The following CECR2 variants were observed in gnomAD, a reference collection of about 807,000 sequenced individuals.
The protein encoded by CECR2 is chromatin remodeling regulator CECR2.
Under a neutral mutation model 154.5 loss-of-function variants are expected in CECR2, and 30 were observed. The ratio of observed to expected loss-of-function variants is 0.19; its 90% CI spans 0.15 to 0.26. The LOEUF is 0.26. Ranked by LOEUF, CECR2 falls within the 10% of genes least tolerant of loss-of-function variation. The probability of loss-of-function intolerance (pLI) is 1.00; values close to 1 mark genes in which losing one functional copy is unlikely to be tolerated. For synonymous variants in CECR2, 725 were observed against 683.7 expected (o/e 1.06, Z -0.94); for missense variants, 1,743 against 1,829.3 (o/e 0.95, Z 0.86).
At chr22:17,442,693 G>A (rs1359741834) in intron 1 of CECR2, among the ~76,000 whole-genome samples, 5 of 152,004 alleles carry the variant, frequency 3.3e-5, no homozygotes, top group Admixed American at 1.3e-4. Flanking sequence ...GATTACAGGC[G>A]CCCGCCACCA....
upstream of CECR2, among the ~76,000 whole-genome samples, chr22:17,364,849 CAAACAAAA>C (rs1372200829): frequency 6.6e-6 from 1 of 151,170 alleles, no homozygotes; most frequent in African/African-American, 2.4e-5. Context: ...ACAAAACAAA[CAAACAAAA>C]AAACAAAAAA....
At chr22:17,371,472 C>T (rs2146438444) in intron 1 of CECR2, among the ~76,000 whole-genome samples, 2 of 152,272 alleles carry the variant, frequency 1.3e-5, no homozygotes, top group Non-Finnish European at 2.9e-5. Flanking sequence ...CTTTAGACAA[C>T]TGTTAATATT....
At chr22:17,522,850 C>A in intron 8 of CECR2, among the ~76,000 whole-genome samples, 1 of 151,984 alleles carries the variant, frequency 6.6e-6, no homozygotes, top group Non-Finnish European at 1.5e-5. Context: ...ACTAAAAATA[C>A]AAAAATTAGC....
intron 10 of CECR2, among the ~76,000 whole-genome samples, chr22:17,537,987 C>G (rs2056462959): frequency 6.7e-6 from 1 of 149,746 alleles, no homozygotes; most frequent in African/African-American, 2.5e-5. Context: ...GAGTGAGACT[C>G]CGTCCAAAAA....
chr22:17,469,522 C>T (rs1403469121), intron 1 of CECR2, among the ~76,000 whole-genome samples: 1 of 152,104 alleles, frequency 6.6e-6, no homozygotes, highest in African/African-American at 2.4e-5. Flanking sequence ...ATGATTACTG[C>T]CAGTTTTTAT....
chr22:17,503,090 A>G lies in CECR2; in HGVS notation c.659A>G (p.Gln220Arg), dbSNP rs1294632473. Residue 220 changes from glutamine (Q) to arginine (R), a missense_variant, in exon 6 of 19, where the codon CAG becomes CGG. This residue lies in a region of CECR2 where 292 missense variants were observed against 301.2 expected (regional missense o/e 0.97). Coordinates refer to ENST00000262608, the MANE Select transcript of CECR2 (RefSeq NM_001290047.2). ...TTTTTCCTGTGTTTCAGTGAAAAGCAGGAAGAAAATTCCTTGGCATCCGAG... is the reference window on the plus strand; with the variant it reads ...TTTTTCCTGTGTTTCAGTGAAAAGCGGGAAGAAAATTCCTTGGCATCCGAG... ...LQEEILLSEKQEENSLASEPQ... is the reference protein window; with the variant it reads ...LQEEILLSEKREENSLASEPQ... 1 of 1,610,894 alleles carries G rather than the reference A, an allele frequency of 6.2e-7. No individual in the cohort carries two copies. The highest frequency in any genetic ancestry group is 1.7e-5 in the Admixed American group (1 of 59,492).
chr22:17,515,955 G>T (rs149793296), intron 8 of CECR2, among the ~76,000 whole-genome samples: 1 of 152,166 alleles, frequency 6.6e-6, no homozygotes, highest in East Asian at 1.9e-4. Flanking sequence ...GATTACAGGC[G>T]TGAGCCACCA....
rs551632664 is a variant in CECR2, at chr22:17,436,171, G to A, written c.127-41417G>A. ...GACGGGGTTTCACGGTGTTAGCCAG[G>A]ATGGTCTTGATCTCCTGATCTCGTG... On this transcript the variant is annotated intron_variant, in intron 1 of 18. Transcript: ENST00000262608. Among the ~76,000 whole-genome samples the A allele has an allele frequency of 6.6e-5, 10 of 152,250 alleles. No homozygotes were observed. In the South Asian group the frequency reaches 2.1e-3, roughly 32 times the overall value.
At chr22:17,484,666 C>T (rs1338100014) in intron 2 of CECR2, among the ~76,000 whole-genome samples, 3 of 152,006 alleles carry the variant, frequency 2.0e-5, no homozygotes, top group Admixed American at 2.0e-4. Flanking sequence ...TTTGGGAGGC[C>T]AAGGTGGGCG....
chr22:17,382,724 G>C (rs187519544), intron 1 of CECR2, among the ~76,000 whole-genome samples: 1 of 151,620 alleles, frequency 6.6e-6, no homozygotes, highest in Non-Finnish European at 1.5e-5. Context: ...GGCCAACATG[G>C]TGAAACGCTT....
chr22:17,502,959 C>G, intron 5 of CECR2, 123 bp from the exon 6 acceptor site: 1 of 775,708 alleles, frequency 1.3e-6, no homozygotes, highest in Non-Finnish European at 2.1e-6. Context: ...AGCCTTGTCC[C>G]CTTAACACAC....
intron 1 of CECR2, among the ~76,000 whole-genome samples, chr22:17,378,031 T>A (rs887066299): frequency 6.6e-6 from 1 of 152,052 alleles, no homozygotes; most frequent in African/African-American, 2.4e-5. Flanking sequence ...TTGCCCAGGC[T>A]GGAGTGCAGT....
chr22:17,543,818 C>G (rs2056568837), intron 16 of CECR2, among the ~76,000 whole-genome samples: 1 of 152,126 alleles, frequency 6.6e-6, no homozygotes, highest in Non-Finnish European at 1.5e-5. Context: ...CTTGGCCTCC[C>G]AAAGTGCTAG....
At position 17,491,588 on chromosome 22, in the gene CECR2, GGT is replaced by G. The variant is rs1491196157; in HGVS notation, c.222-5813_222-5812del. 9.9e-4 allele frequency among the ~76,000 whole-genome samples: 116 copies of G among 116,910 alleles called. 5 individuals carry two copies. The highest frequency in any genetic ancestry group is 6.8e-3 in the Middle Eastern group (1 of 146). The allele number at this position is 116,910 out of a possible 152,430, so 76.7% of individuals were successfully genotyped here. On this transcript the variant is annotated intron_variant, in intron 2 of 18. Transcript: ENST00000262608. ...TATTCTGTGTGTGTGTGTGTGGGGG[GGT>G]GGGTGTTTAGCAGTCGTAGGGCAAA... is the stretch of plus-strand genomic sequence containing the variant.
chr22:17,462,595 C>T (rs1023247861), intron 1 of CECR2, among the ~76,000 whole-genome samples: 10 of 151,870 alleles, frequency 6.6e-5, no homozygotes, highest in African/African-American at 2.4e-4. Flanking sequence ...TTTGGAAGTC[C>T]CGGTGAGAAG....
chr22:17,496,706 C>T (rs896633684), intron 2 of CECR2, among the ~76,000 whole-genome samples: 6 of 151,962 alleles, frequency 3.9e-5, no homozygotes, highest in South Asian at 2.1e-4. Context: ...CCTTTTTTCT[C>T]GCCACCTAAG....
chr22:17,446,661 A>G (rs1000210983), intron 1 of CECR2, among the ~76,000 whole-genome samples: 1 of 152,176 alleles, frequency 6.6e-6, no homozygotes, highest in African/African-American at 2.4e-5. Flanking sequence ...GCTTACAGTG[A>G]GCTGAGATCC....
At chr22:17,515,359 C>T (rs571114803) in intron 8 of CECR2, among the ~76,000 whole-genome samples, 1 of 152,256 alleles carries the variant, frequency 6.6e-6, no homozygotes, top group East Asian at 1.9e-4. Context: ...TGGGCGTGGC[C>T]GGTGCAGGCT....
chr22:17,397,732 C>T (rs2053833937), intron 1 of CECR2, among the ~76,000 whole-genome samples: 1 of 151,108 alleles, frequency 6.6e-6, no homozygotes, highest in Non-Finnish European at 1.5e-5. Flanking sequence ...CTCCTGACCT[C>T]GTGATCCGCC....
Sources: gnomAD v4.1 joint callset for allele counts (sites outside exome capture counted in the v4.1 genomes callset) on GRCh38, gnomAD v4.1.1 for gene constraint, gnomAD v4.1.1 regional missense constraint, MANE v1.5 for transcripts, NCBI Gene and HGNC (gene_info 2026-07-23, HGNC 2026-07-21) for gene names.